LRP1B: variants seen among roughly 807,000 people sequenced by gnomAD.
LRP1B encodes the protein low-density lipoprotein receptor-related protein 1B.
Under a neutral mutation model 556.6 loss-of-function variants are expected in LRP1B, and 217 were observed. That is an observed-to-expected ratio of 0.39 (90% CI 0.35 to 0.44). The LOEUF is 0.44. Among genes scored for constraint, LRP1B ranks in the 20% least tolerant of loss-of-function variants. LRP1B has a pLI of 1.00. For synonymous variants in LRP1B, 2,047 were observed against 1,865.8 expected, an observed-to-expected ratio of 1.10 and a Z score of -2.50; for missense variants, 5,053 against 5,620.8, an observed-to-expected ratio of 0.90 and a Z score of 3.23.
chr2:141,446,006 T>A (rs894214821), intron 3 of LRP1B, among the ~76,000 whole-genome samples: 2 of 152,160 alleles, frequency 1.3e-5, no homozygotes, highest in African/African-American at 4.8e-5. Flanking sequence ...CTATCTAATT[T>A]TGACAGTGGG....
chr2:141,946,049 T>C (rs1050699328), intron 1 of LRP1B, among the ~76,000 whole-genome samples: 8 of 151,980 alleles, frequency 5.3e-5, no homozygotes, highest in Non-Finnish European at 8.8e-5. Flanking sequence ...CAGCTCCCAC[T>C]CAACGAGAGA....
chr2:140,877,248 T>C (rs942102289), intron 25 of LRP1B, among the ~76,000 whole-genome samples: 4 of 152,190 alleles, frequency 2.6e-5, no homozygotes, highest in African/African-American at 9.6e-5. Context: ...CAGAGTAATG[T>C]GGCCTATACT....
intron 16 of LRP1B, among the ~76,000 whole-genome samples, chr2:140,993,380 G>C (rs1235197152): frequency 6.6e-6 from 1 of 151,938 alleles, no homozygotes; most frequent in African/African-American, 2.4e-5. Flanking sequence ...ACACATATGT[G>C]AGAAATTTTA....
intron 32 of LRP1B, among the ~76,000 whole-genome samples, chr2:140,781,410 C>T (rs1028929141): frequency 6.6e-6 from 1 of 152,180 alleles, no homozygotes; most frequent in Non-Finnish European, 1.5e-5. Context: ...TAAAGCCCTA[C>T]AAATCAAATT....
intron 83 of LRP1B, among the ~76,000 whole-genome samples, chr2:140,304,629 T>G (rs1187581953): frequency 6.6e-6 from 1 of 152,206 alleles, no homozygotes; most frequent in Non-Finnish European, 1.5e-5. Context: ...GATGGTAGTT[T>G]CTTTTGCTGT....
intron 6 of LRP1B, among the ~76,000 whole-genome samples, chr2:141,212,863 C>T (rs997037118): frequency 6.6e-6 from 1 of 152,104 alleles, no homozygotes; most frequent in Non-Finnish European, 1.5e-5. Flanking sequence ...TATAATGAAA[C>T]CATTTTTACC....
At chr2:140,390,806 A>ACACAC (rs879372888) in intron 66 of LRP1B, among the ~76,000 whole-genome samples, 2 of 146,610 alleles carry the variant, frequency 1.4e-5, no homozygotes, top group Non-Finnish European at 3.0e-5. Flanking sequence ...ACACACACAC[A>ACACAC]ACATATTTGA....
intron 66 of LRP1B, among the ~76,000 whole-genome samples, chr2:140,387,028 G>A (rs986044839): frequency 1.3e-5 from 2 of 152,076 alleles, no homozygotes; most frequent in African/African-American, 4.8e-5. Flanking sequence ...GAATAGCAAG[G>A]TTCTAAAGTA....
chr2:141,429,904 T>C (rs559894317), intron 3 of LRP1B, among the ~76,000 whole-genome samples: 2 of 152,174 alleles, frequency 1.3e-5, no homozygotes, highest in East Asian at 1.9e-4. Flanking sequence ...TTAAGTAAAA[T>C]TGTGGAATTA....
intron 35 of LRP1B, among the ~76,000 whole-genome samples, chr2:140,731,400 G>T (rs1021325049): frequency 1.3e-5 from 2 of 152,226 alleles, no homozygotes; most frequent in South Asian, 2.1e-4. Flanking sequence ...TAGTATAAGA[G>T]TTATTAGCAT....
chr2:141,901,530 C>T (rs955034472), intron 1 of LRP1B, among the ~76,000 whole-genome samples: 4 of 151,836 alleles, frequency 2.6e-5, no homozygotes, highest in African/African-American at 9.7e-5. Flanking sequence ...TATATTTATT[C>T]TTAAATAATA....
intron 55 of LRP1B, among the ~76,000 whole-genome samples, chr2:140,499,238 T>C (rs1286783790): frequency 6.6e-6 from 1 of 151,936 alleles, no homozygotes; most frequent in East Asian, 1.9e-4. Flanking sequence ...TATGGCTGTG[T>C]GCTAATACTT....
chr2:141,574,996 G>A (rs539097259), intron 2 of LRP1B, among the ~76,000 whole-genome samples: 2 of 152,070 alleles, frequency 1.3e-5, no homozygotes, highest in South Asian at 4.2e-4. Context: ...CTCACGGACA[G>A]GAAGAATCAA....
At chr2:140,840,845 A>G (rs949849348) in intron 30 of LRP1B, 73 bp downstream of exon 30, 1 of 1,182,298 alleles carries the variant, frequency 8.5e-7, no homozygotes, top group Admixed American at 2.4e-5. Context: ...GAATTAAGCA[A>G]TGTTTTTATA....
chr2:142,009,015 T>C (rs190904656), intron 1 of LRP1B, among the ~76,000 whole-genome samples: 2 of 152,250 alleles, frequency 1.3e-5, no homozygotes, highest in Non-Finnish European at 1.5e-5. Context: ...TTAAGAAACA[T>C]TGAGCCAAGG....
At chr2:141,230,071 A>C (rs1011486774) in intron 5 of LRP1B, among the ~76,000 whole-genome samples, 23 of 152,170 alleles carry the variant, frequency 1.5e-4, no homozygotes, top group Admixed American at 6.5e-4. Context: ...TTTTTTGAAC[A>C]ATGCAGCTTT....
At chr2:140,854,832 G>A (rs533810447) in intron 27 of LRP1B, among the ~76,000 whole-genome samples, 1 of 152,282 alleles carries the variant, frequency 6.6e-6, no homozygotes, top group South Asian at 2.1e-4. Flanking sequence ...TATTTTATAA[G>A]AGACACTACT....
At chr2:141,815,746 C>G (rs1184141223) in intron 1 of LRP1B, among the ~76,000 whole-genome samples, 15 of 152,198 alleles carry the variant, frequency 9.9e-5, no homozygotes, top group Non-Finnish European at 1.5e-5. Context: ...GGATCCCGTT[C>G]CACGCTGTGG....
chr2:140,269,721 G>A (rs1181997207), intron 86 of LRP1B, among the ~76,000 whole-genome samples: 2 of 151,908 alleles, frequency 1.3e-5, no homozygotes, highest in South Asian at 2.1e-4. Context: ...CAGGAGTACT[G>A]TGAATATACC....
Sources: allele counts gnomAD v4.1 joint callset (sites outside exome capture counted in the v4.1 genomes callset), GRCh38; gene constraint gnomAD v4.1.1; transcripts MANE v1.5; gene names NCBI Gene and HGNC (gene_info 2026-07-23, HGNC 2026-07-21).